The following ERBB4 variants were observed in gnomAD, a reference collection of about 807,000 sequenced individuals.
The protein encoded by ERBB4 is receptor tyrosine-protein kinase erbB-4.
In ERBB4, 42 loss-of-function variants were observed where a neutral mutation model predicts 158.0. The observed-to-expected ratio is 0.27, with a 90% CI of 0.21 to 0.34. The LOEUF (loss-of-function observed/expected upper bound fraction) is 0.34, where lower values mean the gene tolerates loss of function less well. Among genes scored for constraint, ERBB4 ranks in the 10% least tolerant of loss-of-function variants. The pLI, the probability that ERBB4 is intolerant of heterozygous loss-of-function variation, is 1.00. For synonymous variants in ERBB4, 583 were observed against 558.7 expected, an observed-to-expected ratio of 1.04 and a Z score of -0.61; for missense variants, 1,333 against 1,624.1, an observed-to-expected ratio of 0.82 and a Z score of 3.08.
At chr2:212,236,676 C>G (rs1256192651) in intron 1 of ERBB4, among the ~76,000 whole-genome samples, 2 of 152,170 alleles carry the variant, frequency 1.3e-5, no homozygotes, top group African/African-American at 2.4e-5. Context: ...GATACAACTT[C>G]TTCCTGGTTT....
rs1243176341 is a variant in ERBB4 at position 212,037,652 on chromosome 2, G to A, written c.234+87100C>T. On this transcript the variant is annotated intron_variant, in intron 2 of 27. Coordinates refer to ENST00000342788, the MANE Select transcript of ERBB4 (RefSeq NM_005235.3). ...GGGCAAAGACTAACATTCTCTTGCTGACAAACATGTCTTTGTATTTTGACA... is the reference window on the plus strand; with the variant it reads ...GGGCAAAGACTAACATTCTCTTGCTAACAAACATGTCTTTGTATTTTGACA... Among the ~76,000 whole-genome samples, 4 of 152,176 alleles carry A rather than the reference G, an allele frequency of 2.6e-5. No homozygotes were observed. In the East Asian group the frequency reaches 5.8e-4, roughly 22 times the overall value.
At chr2:211,850,910 G>T (rs2077704171) in intron 3 of ERBB4, among the ~76,000 whole-genome samples, 1 of 151,914 alleles carries the variant, frequency 6.6e-6, no homozygotes, top group African/African-American at 2.4e-5. Context: ...AGATTCTGAT[G>T]TGTACACAAT....
intron 12 of ERBB4, among the ~76,000 whole-genome samples, chr2:211,697,725 T>A (rs1575004553): frequency 6.6e-6 from 1 of 152,188 alleles, no homozygotes; most frequent in African/African-American, 2.4e-5. Flanking sequence ...ATAGATGATA[T>A]CCAGTGATTT....
intron 1 of ERBB4, among the ~76,000 whole-genome samples, chr2:212,368,801 T>C (rs1227470182): frequency 6.6e-6 from 1 of 152,066 alleles, no homozygotes; most frequent in African/African-American, 2.4e-5. Context: ...GTGGGAATTA[T>C]CTTGGGAGAT....
At chr2:211,631,637 G>A (rs1288755984) in intron 16 of ERBB4, among the ~76,000 whole-genome samples, 1 of 152,082 alleles carries the variant, frequency 6.6e-6, no homozygotes, top group Admixed American at 6.6e-5. Flanking sequence ...TAGTAGTTGT[G>A]ATTTTTAACT....
intron 1 of ERBB4, among the ~76,000 whole-genome samples, chr2:212,476,686 T>C (rs1431183622): frequency 6.6e-6 from 1 of 152,168 alleles, no homozygotes; most frequent in Non-Finnish European, 1.5e-5. Flanking sequence ...CAAAACTTTA[T>C]GAAGAGTAAA....
intron 1 of ERBB4, among the ~76,000 whole-genome samples, chr2:212,344,487 T>TG (rs930240680): frequency 6.6e-6 from 1 of 152,076 alleles, no homozygotes; most frequent in African/African-American, 2.4e-5. Flanking sequence ...TGTGTGTGTG[T>TG]GTGTGTGTGT....
At chr2:212,006,025 A>G (rs1229313274) in intron 2 of ERBB4, among the ~76,000 whole-genome samples, 1 of 152,202 alleles carries the variant, frequency 6.6e-6, no homozygotes, top group Non-Finnish European at 1.5e-5. Context: ...AAAAAAAAGA[A>G]AGAACAAAAT....
chr2:211,711,275 G>A lies in ERBB4; in HGVS notation c.1124+775C>T, dbSNP rs114009310. The stretch of plus-strand genomic sequence containing the variant: ...ATTAGTTTGCTTTTAGAAATGATCT[G>A]ATACATGTTCAGAGTAAGATTTTGA... On this transcript the variant is annotated intron_variant, in intron 9 of 27. Coordinates refer to ENST00000342788, the MANE Select transcript of ERBB4 (RefSeq NM_005235.3). 2.7e-3 allele frequency among the ~76,000 whole-genome samples: 418 copies of A among 152,182 alleles called. 5 individuals carry two copies. Among genetic ancestry groups the A allele is most frequent in the African/African-American group, 9.8e-3 (408 of 41,532 alleles).
intron 2 of ERBB4, among the ~76,000 whole-genome samples, chr2:212,036,851 T>C (rs1243736013): frequency 6.6e-6 from 1 of 152,214 alleles, no homozygotes; most frequent in Admixed American, 6.5e-5. Context: ...GATTGAAGCT[T>C]ATGATTTTCT....
chr2:212,474,822 C>CCTTTTTTTTTTTTTTTTTTTTTTTT (rs1689295723), intron 1 of ERBB4, among the ~76,000 whole-genome samples: 2 of 94,412 alleles, frequency 2.1e-5, no homozygotes, highest in African/African-American at 1.2e-4. Context: ...CCCGGCCATT[C>CCTTTTTTTTTTTTTTTTTTTTTTTT]TTTTTTTTTT....
At chr2:212,140,857 G>GTGTT (rs1370985641) in intron 1 of ERBB4, among the ~76,000 whole-genome samples, 3 of 149,868 alleles carry the variant, frequency 2.0e-5, no homozygotes, top group African/African-American at 7.4e-5. Flanking sequence ...GTGTGTGTGT[G>GTGTT]TGTGTGTGTG....
intron 3 of ERBB4, among the ~76,000 whole-genome samples, chr2:211,795,933 A>ACTCAAAAG (rs1209679238): frequency 2.0e-5 from 3 of 151,944 alleles, no homozygotes; most frequent in Admixed American, 2.0e-4. Flanking sequence ...TGTTATAGTG[A>ACTCAAAAG]CTCAAAAGAA....
chr2:211,758,530 C>T (rs2106232998), intron 4 of ERBB4, among the ~76,000 whole-genome samples: 1 of 152,266 alleles, frequency 6.6e-6, no homozygotes, highest in South Asian at 2.1e-4. Flanking sequence ...ACAGAAATTC[C>T]ACCTACTGTG....
At chr2:212,489,634 G>C (rs896017503) in intron 1 of ERBB4, among the ~76,000 whole-genome samples, 1 of 151,562 alleles carries the variant, frequency 6.6e-6, no homozygotes, top group Non-Finnish European at 1.5e-5. Flanking sequence ...CTAACGTATG[G>C]TATATTTAAA....
chr2:211,736,544 G>A (rs1055065974), intron 5 of ERBB4, among the ~76,000 whole-genome samples: 32 of 152,136 alleles, frequency 2.1e-4, no homozygotes, highest in Non-Finnish European at 4.4e-5. Flanking sequence ...CGATCTCTGT[G>A]CTCTTCTTAT....
intron 20 of ERBB4, among the ~76,000 whole-genome samples, chr2:211,511,405 A>G (rs1286531551): frequency 6.6e-6 from 1 of 152,090 alleles, no homozygotes; most frequent in Non-Finnish European, 1.5e-5. Flanking sequence ...AGACAGATAT[A>G]TTACACAAAA....
chr2:212,087,506 G>A (rs142227604), intron 2 of ERBB4, among the ~76,000 whole-genome samples: 2 of 152,124 alleles, frequency 1.3e-5, no homozygotes, highest in Non-Finnish European at 2.9e-5. Context: ...CTTAACAAAT[G>A]TTTGGTGAAT....
intron 3 of ERBB4, among the ~76,000 whole-genome samples, chr2:211,874,681 T>C (rs2078446973): frequency 6.6e-6 from 1 of 152,152 alleles, no homozygotes; most frequent in Non-Finnish European, 1.5e-5. Context: ...GAGTGTAAAC[T>C]TGACTCTTCA....
Sources: gnomAD v4.1 joint callset for allele counts (sites outside exome capture counted in the v4.1 genomes callset) on GRCh38, gnomAD v4.1.1 for gene constraint, MANE v1.5 for transcripts, NCBI Gene and HGNC (gene_info 2026-07-23, HGNC 2026-07-21) for gene names.